Variants in ZNF462 observed in about 807,000 individuals in gnomAD.
ZNF462 encodes zinc finger PBX1-interacting protein.
ZNF462 carries 10 observed loss-of-function variants against 201.9 expected under a neutral mutation model. That is an observed-to-expected ratio of 0.05 (90% CI 0.03 to 0.08). The LOEUF (loss-of-function observed/expected upper bound fraction) is 0.08. ZNF462 is among the 10% of genes least tolerant of loss of function. ZNF462 has a pLI of 1.00. For missense variants in ZNF462, 2,523 were observed against 3,168.3 expected (o/e 0.80, Z 4.89); for synonymous variants, 1,227 against 1,193.3 (o/e 1.03, Z -0.58).
intron 7 of ZNF462, among the ~76,000 whole-genome samples, chr9:106,965,735 C>T (rs1016419879): frequency 6.6e-6 from 1 of 152,046 alleles, no homozygotes; most frequent in Non-Finnish European, 1.5e-5. Context: ...AATAGTCTTT[C>T]AGCTTTAGAT....
chr9:106,991,156 A>G (rs1828244251), intron 10 of ZNF462, among the ~76,000 whole-genome samples: 1 of 151,998 alleles, frequency 6.6e-6, no homozygotes, highest in African/African-American at 2.4e-5. Context: ...ATAGGGAGAA[A>G]ATCCGCAGAA....
chr9:106,900,386 TG>T (rs1196270110), intron 1 of ZNF462, among the ~76,000 whole-genome samples: 2 of 152,180 alleles, frequency 1.3e-5, no homozygotes, highest in Admixed American at 6.5e-5. Flanking sequence ...TCATTTCCTC[TG>T]GGTAGATACC....
In ZNF462 at chr9:106,963,115, C is replaced by A. The variant is rs2131923485; in HGVS notation, c.6428-8890C>A. On this transcript the variant is annotated intron_variant, in intron 7 of 12. Coordinates refer to ENST00000277225, the MANE Select transcript of ZNF462 (RefSeq NM_021224.6). The surrounding 1 kb of genome is among the most constrained non-coding windows in gnomAD (Gnocchi z 4.7). ...TTTTTGAGGCTCTTCAGAGGAAATA[C>A]TTGGAAAGTTGCATTGGTGATTTGT... 6.6e-6 allele frequency among the ~76,000 whole-genome samples: 1 copy of A among 152,136 alleles called. No homozygotes were observed. Among genetic ancestry groups the A allele is most frequent in the Non-Finnish European group, 1.5e-5 (1 of 67,960 alleles).
chr9:106,892,704 GCACACA>G (rs10568431), intron 1 of ZNF462, among the ~76,000 whole-genome samples: 15 of 131,946 alleles, frequency 1.1e-4, no homozygotes, highest in African/African-American at 1.9e-4. Context: ...ACACACACAC[GCACACA>G]CACACACACA....
intron 1 of ZNF462, among the ~76,000 whole-genome samples, chr9:106,896,937 C>T (rs1248385627): frequency 1.3e-5 from 2 of 152,206 alleles, no homozygotes; most frequent in East Asian, 3.9e-4. Context: ...ATCACACACC[C>T]ACACATTCCC....
Position 106,902,942 on chromosome 9 carries a change from A to T in ZNF462, c.-30-20412A>T, listed in dbSNP as rs1196499563. 1.3e-5 allele frequency among the ~76,000 whole-genome samples: 2 copies of T among 150,978 alleles called. No individual in the cohort carries two copies. The highest frequency in any genetic ancestry group is 1.3e-4 in the Admixed American group (2 of 15,134). ...TTGAATTTCATTTAGTTTTGCCCTGATCTTGGTTATTTCCTCCCTTCTGCT... is the reference window on the plus strand; with the variant it reads ...TTGAATTTCATTTAGTTTTGCCCTGTTCTTGGTTATTTCCTCCCTTCTGCT... On this transcript the variant is annotated intron_variant, in intron 1 of 12. Transcript: ENST00000277225. The surrounding 1 kb of genome is among the most constrained non-coding windows in gnomAD (Gnocchi z 4.2).
chr9:106,927,864 A>T lies in ZNF462; in HGVS notation c.3952A>T (p.Ile1318Phe), dbSNP rs752746269. 2 of 1,614,132 alleles carry T rather than the reference A, an allele frequency of 1.2e-6. No individual in the cohort carries two copies. Among genetic ancestry groups the T allele is most frequent in the Non-Finnish European group, 1.7e-6 (2 of 1,180,034 alleles). Reference protein sequence around the residue: ...IEAGYHCEWCIYSHTEPNGLL... With the variant: ...IEAGYHCEWCFYSHTEPNGLL... ...AGCTGGCTACCACTGCGAGTGGTGC[A>T]TCTACTCCCATACGGAGCCCAACGG... The change falls in exon 3 of 13, where the codon ATC (isoleucine) becomes TTC (phenylalanine). Residue 1318 changes from isoleucine to phenylalanine, a missense_variant. Ile to Phe is a conservative substitution (Grantham distance 21). Around this residue, in one of 15 missense-constraint regions of ZNF462, gnomAD observed 222 missense variants for 271.6 expected, o/e 0.82. Transcript: ENST00000277225.
At chr9:106,910,625 GTTTTA>G (rs1412258452) in intron 1 of ZNF462, among the ~76,000 whole-genome samples, 15 of 152,084 alleles carry the variant, frequency 9.9e-5, no homozygotes. Context: ...ATGATTCTAA[GTTTTA>G]AGTCTTGCTT....
intron 6 of ZNF462, among the ~76,000 whole-genome samples, chr9:106,936,261 CACCA>C (rs1265163038): frequency 6.6e-6 from 1 of 152,198 alleles, no homozygotes; most frequent in Non-Finnish European, 1.5e-5. Context: ...GACCCTTACC[CACCA>C]GGCTGTGCAC....
chr9:106,959,878 G>A (rs1484261769), intron 7 of ZNF462, among the ~76,000 whole-genome samples: 2 of 152,050 alleles, frequency 1.3e-5, no homozygotes, highest in Non-Finnish European at 2.9e-5. Flanking sequence ...GCATCACTGG[G>A]CAGCATTTCT....
At chr9:106,996,702 A>T (rs1052179215) in intron 10 of ZNF462, among the ~76,000 whole-genome samples, 7 of 151,978 alleles carry the variant, frequency 4.6e-5, no homozygotes, top group Admixed American at 4.6e-4. Context: ...TTCTTTGTAG[A>T]TTCTGGATAT....
chr9:107,010,911 G>A lies in ZNF462; in HGVS notation c.7402G>A (p.Glu2468Lys). The change falls in exon 13 of 13, where the codon GAA becomes AAA. Residue 2468 changes from glutamate (E) to lysine (K), a missense_variant. Coordinates refer to ENST00000277225, the MANE Select transcript of ZNF462 (RefSeq NM_021224.6). This position sits in a 1 kb window ranked among gnomAD's most constrained non-coding sequence, Gnocchi z 4.6. ...CAGTGTTAAAATGCCCTCCATAGAG[G>A]AAAAGGAAGATGACGAGGCCATTGG... ...ENSVKMPSIEEKEDDEAIGID... is the reference protein window; with the variant it reads ...ENSVKMPSIEKKEDDEAIGID... 1 of 1,613,724 alleles carries A rather than the reference G, an allele frequency of 6.2e-7. No homozygotes were observed. Among genetic ancestry groups the A allele is most frequent in the Non-Finnish European group, 8.5e-7 (1 of 1,179,898 alleles).
chr9:106,870,853 C>T lies in ZNF462; in HGVS notation c.-31+7498C>T, dbSNP rs979098308. Among the ~76,000 whole-genome samples the T allele has an allele frequency of 3.3e-5, 5 of 152,134 alleles. No homozygotes were observed. The highest frequency in any genetic ancestry group is 4.8e-5 in the African/African-American group (2 of 41,412). ...AAGGCCAAACTCACTCTTAAGTTCT[C>T]GTCTGAGCAGTTGAACCAGAACACA... On this transcript the variant is annotated intron_variant, in intron 1 of 12. Coordinates refer to ENST00000277225, the MANE Select transcript of ZNF462 (RefSeq NM_021224.6). This position sits in a 1 kb window ranked among gnomAD's most constrained non-coding sequence, Gnocchi z 4.3.
chr9:106,954,533 T>C lies in ZNF462; in HGVS notation c.6427+15426T>C, dbSNP rs1179419506. ...AAGAGGAAAAAAAAAAAAAACTCAG[T>C]CAATATTCTCCATGTTTATACCCAG... On this transcript the variant is annotated intron_variant, in intron 7 of 12. Coordinates refer to ENST00000277225, the MANE Select transcript of ZNF462 (RefSeq NM_021224.6). The surrounding 1 kb of genome is among the most constrained non-coding windows in gnomAD (Gnocchi z 4.0). 1.3e-5 allele frequency among the ~76,000 whole-genome samples: 2 copies of C among 151,436 alleles called. No homozygotes were observed. Among genetic ancestry groups the C allele is most frequent in the Non-Finnish European group, 2.9e-5 (2 of 67,852 alleles).
At chr9:106,901,434 T>G (rs1385217944) in intron 1 of ZNF462, among the ~76,000 whole-genome samples, 1 of 152,180 alleles carries the variant, frequency 6.6e-6, no homozygotes, top group East Asian at 1.9e-4. Context: ...TTAGAATTGT[T>G]TTTTCTAATT....
rs1036307841 is a variant in ZNF462, at chr9:106,984,479, G to A, written c.7056+70G>A. ...GAGGGGCCAAGGGGGAGACACCACTGCATTTAGTCACGACCACTGTGTACC... is the reference window on the plus strand; with the variant it reads ...GAGGGGCCAAGGGGGAGACACCACTACATTTAGTCACGACCACTGTGTACC... On this transcript the variant is annotated intron_variant, in intron 10 of 12. Transcript: ENST00000277225. This position sits in a 1 kb window ranked among gnomAD's most constrained non-coding sequence, Gnocchi z 6.4. 8 of 1,265,894 alleles carry A rather than the reference G, an allele frequency of 6.3e-6. No homozygotes were observed. Among genetic ancestry groups the A allele is most frequent in the Non-Finnish European group, 8.9e-6 (8 of 899,800 alleles). The allele number at this position is 1,265,894 out of a possible 1,614,324, so 78.4% of individuals were successfully genotyped here.
intron 4 of ZNF462, among the ~76,000 whole-genome samples, chr9:106,931,317 T>C (rs901055539): frequency 7.9e-5 from 12 of 152,190 alleles, no homozygotes; most frequent in African/African-American, 2.4e-4. Context: ...ATCATAATCC[T>C]AATAGCAGCC....
At position 106,972,297 on chromosome 9, in the gene ZNF462, G is replaced by A. The variant is rs772141971; in HGVS notation, c.6695+25G>A. ...AGTAAGTGACGTAATGAACAGCTAT[G>A]GAAAACAAGGCGGCCGCCCCTGCTC... On this transcript the variant is annotated intron_variant, in intron 8 of 12. Coordinates refer to ENST00000277225, the MANE Select transcript of ZNF462 (RefSeq NM_021224.6). The surrounding 1 kb of genome is among the most constrained non-coding windows in gnomAD (Gnocchi z 4.8). 1.1e-5 allele frequency: 18 copies of A among 1,602,612 alleles called. No individual in the cohort carries two copies. The highest frequency in any genetic ancestry group is 1.5e-5 in the Non-Finnish European group (18 of 1,173,174).
At position 106,972,210 on chromosome 9, in the gene ZNF462, G is replaced by A. The variant is rs773326792; in HGVS notation, c.6633G>A (p.Arg2211=). ...TCCAGAGCATCAGGCGTCATTACCG[G>A]GACAAGCATGGTGGGAAGAAGCTTT... ...GYIQSIRRHY[R]DKHGGKKLFK... is the part of the protein sequence containing the mutation. Residue 2211 remains arginine, a synonymous_variant, in exon 8 of 13, where the codon CGG becomes CGA. Coordinates refer to ENST00000277225, the MANE Select transcript of ZNF462 (RefSeq NM_021224.6). The surrounding 1 kb of genome is among the most constrained non-coding windows in gnomAD (Gnocchi z 4.8). The A allele has an allele frequency of 9.9e-6, 16 of 1,614,192 alleles. No homozygotes were observed. Among genetic ancestry groups the A allele is most frequent in the Non-Finnish European group, 1.7e-6 (2 of 1,180,042 alleles).
Sources: allele counts gnomAD v4.1 joint callset (sites outside exome capture counted in the v4.1 genomes callset), GRCh38; gene constraint gnomAD v4.1.1; regional missense constraint gnomAD v4.1.1; non-coding constraint Gnocchi (gnomAD v3.1); transcripts MANE v1.5; gene names NCBI Gene and HGNC (gene_info 2026-07-23, HGNC 2026-07-21).